Variants in LY75 observed in about 807,000 individuals in gnomAD.
The protein encoded by LY75 is C-type lectin domain family 13 member B.
In LY75, 185 loss-of-function variants were observed where a neutral mutation model predicts 231.7. The observed-to-expected ratio is 0.80, with a 90% CI of 0.71 to 0.90. LY75 has a LOEUF of 0.90. LY75 is among the 40% of genes least tolerant of loss of function. The pLI, the probability that LY75 is intolerant of heterozygous loss-of-function variation, is 0.00. For synonymous variants in LY75, 668 were observed against 689.0 expected, an observed-to-expected ratio of 0.97 and a Z score of 0.48; for missense variants, 1,947 against 2,050.2, an observed-to-expected ratio of 0.95 and a Z score of 0.97.
At chr2:159,812,542 G>T (rs1035238366) in intron 31 of LY75, among the ~76,000 whole-genome samples, 6 of 152,092 alleles carry the variant, frequency 3.9e-5, no homozygotes, top group Admixed American at 3.9e-4. Flanking sequence ...TTCCCAAGTA[G>T]CTGGGATTAC....
At position 159,893,907 on chromosome 2, in the gene LY75, T is replaced by C. The variant is rs370424714; in HGVS notation, c.637+7A>G. 31 of 1,604,534 alleles carry C rather than the reference T, an allele frequency of 1.9e-5. No individual in the cohort carries two copies. Among genetic ancestry groups the C allele is most frequent in the Non-Finnish European group, 2.2e-5 (26 of 1,175,502 alleles). The stretch of plus-strand genomic sequence containing the variant: ...TTTCCACATAAAATTTACCAGCCCA[T>C]ACATACCAGGCTTTAAGCAGATGCC... On this transcript the variant is annotated splice_region_variant and intron_variant, in intron 3 of 34. Coordinates refer to ENST00000263636, the MANE Select transcript of LY75 (RefSeq NM_002349.4).
At position 159,853,633 on chromosome 2, in the gene LY75, G is replaced by A; in HGVS notation, c.2660C>T (p.Thr887Ile). ...ISEWPIDDHF[T>I]YSRYPWHRFP... is the part of the protein sequence containing the mutation. ...TAGAATCAATGATGTCACCTACTAT[G>A]TAAAATGATCATCTATTGGCCACTC... The change falls in exon 19 of 35, where the codon ACA becomes ATA. Residue 887 changes from threonine (T) to isoleucine (I), a missense_variant. Coordinates refer to ENST00000263636, the MANE Select transcript of LY75 (RefSeq NM_002349.4). The A allele has an allele frequency of 6.2e-7, 1 of 1,613,400 alleles. No individual in the cohort carries two copies. The highest frequency in any genetic ancestry group is 8.5e-7 in the Non-Finnish European group (1 of 1,179,782).
chr2:159,874,174 T>C (rs1206706448), intron 12 of LY75, among the ~76,000 whole-genome samples: 1 of 14,950 alleles, frequency 6.7e-5, no homozygotes, highest in Admixed American at 6.2e-4. Context: ...CGTATATATA[T>C]TGTAAATATA....
chr2:159,870,215 G>A (rs1684969695), intron 13 of LY75, among the ~76,000 whole-genome samples: 1 of 152,148 alleles, frequency 6.6e-6, no homozygotes, highest in Non-Finnish European at 1.5e-5. Context: ...ACCTTGGGAG[G>A]CCAAGGAAGG....
chr2:159,901,478 T>C (rs1220478540), intron 1 of LY75, among the ~76,000 whole-genome samples: 2 of 152,332 alleles, frequency 1.3e-5, no homozygotes, highest in East Asian at 3.9e-4. Flanking sequence ...TCCCGGGCAT[T>C]CTGCTTTGTG....
chr2:159,861,919 C>G (rs1046279142), intron 14 of LY75, among the ~76,000 whole-genome samples: 1 of 151,914 alleles, frequency 6.6e-6, no homozygotes, highest in Non-Finnish European at 1.5e-5. Flanking sequence ...CTTTGGGAGG[C>G]TAAGATGGGT....
intron 2 of LY75, among the ~76,000 whole-genome samples, chr2:159,895,563 A>T (rs1685887352): frequency 6.6e-6 from 1 of 152,160 alleles, no homozygotes; most frequent in African/African-American, 2.4e-5. Context: ...AACCTGTGAG[A>T]TCATAGGGGA....
intron 2 of LY75, among the ~76,000 whole-genome samples, chr2:159,896,082 A>G (rs1685902306): frequency 6.6e-6 from 1 of 152,254 alleles, no homozygotes; most frequent in Non-Finnish European, 1.5e-5. Context: ...GTAACATGAG[A>G]CAAAATAGTT....
chr2:159,879,939 A>G (rs528130327), intron 8 of LY75, among the ~76,000 whole-genome samples: 3 of 152,276 alleles, frequency 2.0e-5, no homozygotes, highest in South Asian at 2.1e-4. Context: ...TTAAATTCTA[A>G]TAAGTCGATT....
Position 159,864,864 on chromosome 2 carries a change from G to A in LY75, c.2174C>T (p.Ser725Phe), listed in dbSNP as rs748181166. 4 of 1,604,100 alleles carry A rather than the reference G, an allele frequency of 2.5e-6. No individual in the cohort carries two copies. The highest frequency in any genetic ancestry group is 4.5e-5 in the East Asian group (2 of 44,554). The change falls in exon 14 of 35, where the codon TCC becomes TTC. Residue 725 changes from serine (S) to phenylalanine (F), a missense_variant. Coordinates refer to ENST00000263636, the MANE Select transcript of LY75 (RefSeq NM_002349.4). ...TGGTGTACGATCACTCCATTGCCAG[G>A]ATCCTTGTAAATCTGGGCTCCTTTT... is the stretch of plus-strand genomic sequence containing the variant. ...LNKRSPDLQGSWQWSDRTPVS... is the reference protein window; with the variant it reads ...LNKRSPDLQGFWQWSDRTPVS...
intron 31 of LY75, among the ~76,000 whole-genome samples, chr2:159,813,336 T>G (rs1232619805): frequency 6.6e-6 from 1 of 151,966 alleles, no homozygotes; most frequent in East Asian, 1.9e-4. Flanking sequence ...TGTTTTGTTT[T>G]TTTTTTTTTT....
Position 159,850,394 on chromosome 2 carries a change from G to C in LY75, c.2957C>G (p.Thr986Ser). The change falls in exon 22 of 35, where the codon ACC becomes AGC. Residue 986 changes from threonine to serine, a missense_variant. Transcript: ENST00000263636. ...AATCTGGCTCAACACTGAAGGAAGG[G>C]TGCCACCATAGGAGTGACAGGTATC... is the stretch of plus-strand genomic sequence containing the variant. ...ASDTCHSYGG[T>S]LPSVLSQIEQ... 1.2e-6 allele frequency: 2 copies of C among 1,613,692 alleles called. No individual in the cohort carries two copies. Among genetic ancestry groups the C allele is most frequent in the Non-Finnish European group, 1.7e-6 (2 of 1,179,722 alleles).
At chr2:159,894,647 A>G (rs1234910455) in intron 2 of LY75, among the ~76,000 whole-genome samples, 1 of 152,214 alleles carries the variant, frequency 6.6e-6, no homozygotes, top group African/African-American at 2.4e-5. Context: ...TTGAGGAAGT[A>G]AAAGGAAGAG....
chr2:159,875,356 T>C lies in LY75; in HGVS notation c.1974+88A>G, dbSNP rs113140530. The stretch of plus-strand genomic sequence containing the variant: ...ACTTTAGTTAGGTTACATAGTACTA[T>C]GGAGAAGAGCATAATTTGTACAAGG... On this transcript the variant is annotated intron_variant, in intron 12 of 34. Transcript: ENST00000263636. The C allele has an allele frequency of 3.0e-5, 46 of 1,532,378 alleles. No homozygotes were observed. The African/African-American group carries it at 3.2e-4, about 11-fold the overall frequency. 94.9% of individuals were successfully genotyped at this position (1,532,378 alleles called of 1,614,324 possible). A position where few individuals can be genotyped will look rare whatever the true frequency, so the allele number is the denominator to read the frequency against.
chr2:159,815,718 T>A, intron 30 of LY75, 145 bp from the exon 31 acceptor site: 9 of 987,528 alleles, frequency 9.1e-6, no homozygotes, highest in South Asian at 1.9e-5. Flanking sequence ...CTACTATTAT[T>A]GTAGGTCTGA....
rs1318738537 is a variant in LY75 at position 159,879,270 on chromosome 2, G to A, written c.1504C>T (p.Pro502Ser). The A allele has an allele frequency of 4.3e-6, 7 of 1,612,848 alleles. No homozygotes were observed. The highest frequency in any genetic ancestry group is 2.2e-5 in the East Asian group (1 of 44,840). ...GGGATTTTACCTACCTCATCTGGAG[G>A]ACACATCTTATCAGAACTTGCGTCA... ...LNDASSDKMC[P>S]PDEGWKRHGE... is the part of the protein sequence containing the mutation. Residue 502 changes from proline to serine, a missense_variant, in exon 9 of 35, where the codon CCT (proline) becomes TCT (serine). By Grantham distance (74) the Pro-to-Ser change is moderately conservative. Transcript: ENST00000263636.
At chr2:159,875,240 C>T (rs1334184032) in intron 12 of LY75, among the ~76,000 whole-genome samples, 1 of 151,808 alleles carries the variant, frequency 6.6e-6, no homozygotes, top group East Asian at 1.9e-4. Context: ...TGGGCCTGCC[C>T]TTTCAGGTAG....
At chr2:159,858,823 T>A (rs10186586) in intron 15 of LY75, among the ~76,000 whole-genome samples, 2 of 152,030 alleles carry the variant, frequency 1.3e-5, no homozygotes, top group Admixed American at 1.3e-4. Context: ...CCAGCCTCAG[T>A]GGCTCAGGCT....
rs920093645 is a variant in LY75 at position 159,808,004 on chromosome 2, C to T, written c.4822+445G>A. On this transcript the variant is annotated intron_variant, in intron 33 of 34. Transcript: ENST00000263636. Reference sequence around the variant, plus strand: ...GATTACTATTAAGACATAATTTTAACCAGTGGTAAAAATATTCTTAGAGAG... The same window carrying T: ...GATTACTATTAAGACATAATTTTAATCAGTGGTAAAAATATTCTTAGAGAG... 5 of 932,226 alleles carry T rather than the reference C, an allele frequency of 5.4e-6. No individual in the cohort carries two copies. The African/African-American group carries it at 7.1e-5, about 13-fold the overall frequency. The allele number at this position is 932,226 out of a possible 1,614,324, so 57.7% of individuals were successfully genotyped here. A position where few individuals can be genotyped will look rare whatever the true frequency, so the allele number is the denominator to read the frequency against.
Sources: gnomAD v4.1 joint callset for allele counts (sites outside exome capture counted in the v4.1 genomes callset) on GRCh38, gnomAD v4.1.1 for gene constraint, MANE v1.5 for transcripts, NCBI Gene and HGNC (gene_info 2026-07-23, HGNC 2026-07-21) for gene names.